The following CFAP58 variants were observed in gnomAD, a reference collection of about 807,000 sequenced individuals.
CFAP58 encodes the protein cilia- and flagella-associated protein 58.
CFAP58 carries 88 observed loss-of-function variants against 119.5 expected under a neutral mutation model. The ratio of observed to expected loss-of-function variants is 0.74; its 90% CI spans 0.62 to 0.88. The LOEUF (loss-of-function observed/expected upper bound fraction) is 0.88, where lower values mean the gene tolerates loss of function less well. Ranked by LOEUF, CFAP58 falls within the 40% of genes least tolerant of loss-of-function variation. CFAP58 has a pLI of 0.00. For synonymous variants in CFAP58, 365 were observed against 366.3 expected (o/e 1.00, Z 0.04); for missense variants, 990 against 1,021.2 (o/e 0.97, Z 0.42).
chr10:104,374,453 GAAAAAAAA>G (rs71022730), intron 7 of CFAP58, among the ~76,000 whole-genome samples: 5 of 30,696 alleles, frequency 1.6e-4, no homozygotes, highest in African/African-American at 5.8e-4. Context: ...CTTGTTTCAG[GAAAAAAAA>G]AAAAAAAAAA....
intron 15 of CFAP58, among the ~76,000 whole-genome samples, chr10:104,434,907 C>G (rs2012908235): frequency 1.3e-5 from 2 of 152,338 alleles, no homozygotes; most frequent in Admixed American, 6.5e-5. Context: ...CTACACAGCT[C>G]TAGGACTTGT....
At chr10:104,358,090 CAT>C (rs768145686) in intron 1 of CFAP58, among the ~76,000 whole-genome samples, 118 of 148,296 alleles carry the variant, frequency 8.0e-4, no homozygotes, top group African/African-American at 1.1e-3. Flanking sequence ...TATATACACA[CAT>C]ATATATGTAC....
rs1564876207 is a variant in CFAP58, at chr10:104,357,966, TACACATATG to T, written c.10-374_10-366del. ...ATGTACACATATATACACATATATG[TACACATATG>T]TACATATGTACACATATATGTACAC... On this transcript the variant is annotated intron_variant, in intron 1 of 17. Transcript: ENST00000369704. Among the ~76,000 whole-genome samples, 87 of 103,198 alleles carry T rather than the reference TACACATATG, an allele frequency of 8.4e-4. 5 individuals are homozygous for T. The highest frequency in any genetic ancestry group is 5.9e-3 in the African/African-American group (85 of 14,426). 67.7% of individuals were successfully genotyped at this position (103,198 alleles called of 152,430 possible).
the CFAP58 span, among the ~76,000 whole-genome samples, chr10:104,345,762 C>A: frequency 6.6e-6 from 1 of 152,044 alleles, no homozygotes; most frequent in Non-Finnish European, 1.5e-5. Context: ...AAAGAGCTAA[C>A]TGGACAAATA....
chr10:104,341,297 T>TA, the CFAP58 span, among the ~76,000 whole-genome samples: 5 of 151,708 alleles, frequency 3.3e-5, no homozygotes. Flanking sequence ...AAGCTTATAA[T>TA]AAAAAATTAA....
intron 16 of CFAP58, 108 bp from the exon 17 acceptor site, chr10:104,449,963 C>A: frequency 1.9e-6 from 2 of 1,070,042 alleles, no homozygotes; most frequent in Non-Finnish European, 2.7e-6. Context: ...GAAACTTGGG[C>A]ATTGTTTTGC....
upstream of CFAP58, among the ~76,000 whole-genome samples, chr10:104,351,114 G>C (rs1271322429): frequency 1.3e-5 from 2 of 152,202 alleles, no homozygotes; most frequent in Non-Finnish European, 2.9e-5. Context: ...AGCAGCCTGA[G>C]CTGGGTTGCC....
At chr10:104,362,248 C>T in intron 3 of CFAP58, 77 bp downstream of exon 3, 1 of 1,302,612 alleles carries the variant, frequency 7.7e-7, no homozygotes, top group East Asian at 2.6e-5. Context: ...TGGGGCTTGC[C>T]AGTGTCTTCT....
chr10:104,397,115 G>A (rs2012177701), intron 11 of CFAP58, among the ~76,000 whole-genome samples: 1 of 152,170 alleles, frequency 6.6e-6, no homozygotes, highest in Admixed American at 6.5e-5. Flanking sequence ...TCAGCTCTTG[G>A]CACTTAAGAA....
At chr10:104,405,115 T>A (rs2012337441) in intron 14 of CFAP58, among the ~76,000 whole-genome samples, 1 of 152,286 alleles carries the variant, frequency 6.6e-6, no homozygotes, top group African/African-American at 2.4e-5. Flanking sequence ...GCATTATAAA[T>A]TGTTATGTAA....
chr10:104,406,743 C>T lies in CFAP58; in HGVS notation c.2206C>T (p.Arg736Cys), dbSNP rs761602798. 50 of 1,614,020 alleles carry T rather than the reference C, an allele frequency of 3.1e-5. No homozygotes were observed. Among genetic ancestry groups the T allele is most frequent in the African/African-American group, 1.2e-4 (9 of 74,904 alleles). ...ACAGAAAATTCACACCCTGCAGAAGCGTCTCATCAGCAAGACTGAAGAGGT... is the reference window on the plus strand; with the variant it reads ...ACAGAAAATTCACACCCTGCAGAAGTGTCTCATCAGCAAGACTGAAGAGGT... ...LIQKIHTLQKRLISKTEEVVE... is the reference protein window; with the variant it reads ...LIQKIHTLQKCLISKTEEVVE... Residue 736 changes from arginine to cysteine, a missense_variant, in exon 15 of 18, where the codon CGT (arginine) becomes TGT (cysteine). Physicochemically the swap from Arg to Cys is radical, Grantham distance 180. Transcript: ENST00000369704.
chr10:104,392,315 A>C lies in CFAP58; in HGVS notation c.1448A>C (p.Lys483Thr), dbSNP rs1437907381. The part of the protein sequence containing the change: ...YRKKIAESEI[K>T]LKQQQNLYEA... ...AAAAAAATAGCTGAATCAGAGATTA[A>C]ATTAAAACAGCAACAGAACCTATAT... The change falls in exon 10 of 18, where the codon AAA (lysine) becomes ACA (threonine). Residue 483 changes from lysine to threonine, a missense_variant. By Grantham distance (78) the Lys-to-Thr change is moderately conservative. Coordinates refer to ENST00000369704, the MANE Select transcript of CFAP58 (RefSeq NM_001008723.2). 5 of 1,613,128 alleles carry C rather than the reference A, an allele frequency of 3.1e-6. No individual in the cohort carries two copies. The highest frequency in any genetic ancestry group is 4.2e-6 in the Non-Finnish European group (5 of 1,179,682).
chr10:104,390,168 C>T (rs2012003701), intron 9 of CFAP58, among the ~76,000 whole-genome samples: 1 of 152,166 alleles, frequency 6.6e-6, no homozygotes, highest in Non-Finnish European at 1.5e-5. Flanking sequence ...CATGAGAATA[C>T]ACATACAAAA....
chr10:104,392,403 T>C lies in CFAP58; in HGVS notation c.1527+9T>C, dbSNP rs777537612. On this transcript the variant is annotated intron_variant, in intron 10 of 17. Transcript: ENST00000369704. ...ATCTGGTTGAGGCTCAGGTAAATAA[T>C]ATATTTATATCCTTACATTTTGATT... 3.9e-6 allele frequency: 6 copies of C among 1,549,224 alleles called. No homozygotes were observed. The Admixed American group carries it at 8.0e-5, about 21-fold the overall frequency.
intron 3 of CFAP58, among the ~76,000 whole-genome samples, chr10:104,362,897 GC>G (rs948231308): frequency 6.6e-6 from 1 of 152,154 alleles, no homozygotes; most frequent in African/African-American, 2.4e-5. Flanking sequence ...TTGAGAACCT[GC>G]CCCAGTCAGC....
chr10:104,434,207 T>C (rs1275462767), intron 15 of CFAP58, among the ~76,000 whole-genome samples: 1 of 152,264 alleles, frequency 6.6e-6, no homozygotes, highest in African/African-American at 2.4e-5. Flanking sequence ...AAATAAATGT[T>C]AGCTATTATT....
intron 15 of CFAP58, among the ~76,000 whole-genome samples, chr10:104,433,169 C>G (rs113691575): frequency 2.6e-5 from 4 of 152,322 alleles, no homozygotes; most frequent in African/African-American, 9.6e-5. Flanking sequence ...TCATAGCTCA[C>G]TGCAGCTCCA....
intron 9 of CFAP58, among the ~76,000 whole-genome samples, chr10:104,382,774 G>A (rs959836517): frequency 2.6e-5 from 4 of 152,148 alleles, no homozygotes; most frequent in Non-Finnish European, 5.9e-5. Context: ...GAAGATGCCT[G>A]CTTCCCCATC....
At chr10:104,359,791 G>A (rs1261493783) in intron 2 of CFAP58, among the ~76,000 whole-genome samples, 7 of 152,220 alleles carry the variant, frequency 4.6e-5, no homozygotes, top group Middle Eastern at 6.8e-3. Context: ...GCAAGACTCC[G>A]TCTCCAAAAA....
Sources: allele counts gnomAD v4.1 joint callset (sites outside exome capture counted in the v4.1 genomes callset), GRCh38; gene constraint gnomAD v4.1.1; transcripts MANE v1.5; gene names NCBI Gene and HGNC (gene_info 2026-07-23, HGNC 2026-07-21).